Variants in ROCK1 observed in about 807,000 individuals in gnomAD.
The protein encoded by ROCK1 is rho-associated protein kinase 1.
A neutral mutation model predicts 196.8 loss-of-function variants in ROCK1; 36 were observed. That is an observed-to-expected ratio of 0.18 (90% CI 0.14 to 0.24). The LOEUF (loss-of-function observed/expected upper bound fraction) is 0.24, where lower values mean the gene tolerates loss of function less well. ROCK1 is among the 10% of genes least tolerant of loss of function. The probability of loss-of-function intolerance (pLI) is 1.00; values close to 1 mark genes in which losing one functional copy is unlikely to be tolerated. For missense variants in ROCK1, 920 were observed against 1,562.0 expected (o/e 0.59, Z 6.93); for synonymous variants, 443 against 515.9 (o/e 0.86, Z 1.91).
At chr18:20,959,200 A>G (rs1292303669) in intron 29 of ROCK1, among the ~76,000 whole-genome samples, 3 of 73,768 alleles carry the variant, frequency 4.1e-5, no homozygotes, top group African/African-American at 1.1e-4. Context: ...TAATATATAT[A>G]ATACATATAA....
chr18:20,976,382 A>C (rs2143376889), intron 22 of ROCK1, among the ~76,000 whole-genome samples: 2 of 152,338 alleles, frequency 1.3e-5, no homozygotes, highest in South Asian at 4.1e-4. Flanking sequence ...CCAGACACAC[A>C]TACACAAACA....
chr18:21,092,082 T>C (rs2036575513), intron 1 of ROCK1, among the ~76,000 whole-genome samples: 1 of 152,210 alleles, frequency 6.6e-6, no homozygotes, highest in Admixed American at 6.5e-5. Flanking sequence ...CACCATGCTG[T>C]TCAGGGACCA....
intron 19 of ROCK1, 108 bp from the exon 20 acceptor site, chr18:20,984,643 T>A: frequency 1.4e-6 from 1 of 717,052 alleles, no homozygotes; most frequent in Non-Finnish European, 2.2e-6. Flanking sequence ...ATGGTACTAG[T>A]AGAAAATATT....
At chr18:21,070,762 CT>C (rs941284956) in intron 1 of ROCK1, 149 bp from the exon 2 acceptor site, 2 of 474,166 alleles carry the variant, frequency 4.2e-6, no homozygotes, top group African/African-American at 4.0e-5. Flanking sequence ...TAGATGAGTA[CT>C]GGGAGAAAAG....
At chr18:20,970,080 A>T (rs1390214138) in intron 23 of ROCK1, 1 of 265,962 alleles carries the variant, frequency 3.8e-6, no homozygotes, top group Non-Finnish European at 7.0e-6. Context: ...ATGAAATATA[A>T]CTAATAAGAT....
intron 18 of ROCK1, among the ~76,000 whole-genome samples, chr18:20,988,844 C>T (rs931876415): frequency 6.6e-6 from 1 of 151,970 alleles, no homozygotes; most frequent in Non-Finnish European, 1.5e-5. Context: ...TATTCACTAT[C>T]TGAATGTAAT....
Position 21,049,824 on chromosome 18 carries a change from C to A in ROCK1, c.232G>T (p.Val78Leu). The A allele has an allele frequency of 6.2e-7, 1 of 1,608,696 alleles. No homozygotes were observed. Among genetic ancestry groups the A allele is most frequent in the Non-Finnish European group, 8.5e-7 (1 of 1,177,160 alleles). ...DLRMKAEDYE[V>L]VKVIGRGAFG... is the part of the protein sequence containing the mutation. ...GCACCTCTACCAATCACCTTCACTA[C>A]TTCATAATCTTCAGCTTTCATTCGT... is the stretch of plus-strand genomic sequence containing the variant. Residue 78 changes from valine to leucine, a missense_variant, in exon 3 of 33, where the codon GTA becomes TTA. Coordinates refer to ENST00000399799, the MANE Select transcript of ROCK1 (RefSeq NM_005406.3).
At chr18:21,098,705 A>G (rs2036632532) in intron 1 of ROCK1, among the ~76,000 whole-genome samples, 1 of 152,116 alleles carries the variant, frequency 6.6e-6, no homozygotes, top group African/African-American at 2.4e-5. Flanking sequence ...AAGAGCTTCT[A>G]AAAACTGAGA....
chr18:21,068,845 T>C (rs1426335739), intron 2 of ROCK1, among the ~76,000 whole-genome samples: 1 of 152,200 alleles, frequency 6.6e-6, no homozygotes, highest in Non-Finnish European at 1.5e-5. Flanking sequence ...AATGTACTTA[T>C]TAGTTCATGT....
In ROCK1 at chr18:21,028,888, T is replaced by G. The variant is rs1470182052; in HGVS notation, c.1099A>C (p.Asn367His). 2 of 1,612,492 alleles carry G rather than the reference T, an allele frequency of 1.2e-6. No homozygotes were observed. Among genetic ancestry groups the G allele is most frequent in the Non-Finnish European group, 1.7e-6 (2 of 1,179,508 alleles). Residue 367 changes from asparagine to histidine, a missense_variant, in exon 10 of 33, where the codon AAT becomes CAT. This residue lies in a region of ROCK1 where 234 missense variants were observed against 460.7 expected (regional missense o/e 0.51). Coordinates refer to ENST00000399799, the MANE Select transcript of ROCK1 (RefSeq NM_005406.3). ...PDLSSDIDTS[N>H]FDDLEEDKGE... ...TTATCTTCTTCCAAGTCATCAAAAT[T>G]ACTAGTATCAATGTCACTACTTAAA... is the stretch of plus-strand genomic sequence containing the variant.
intron 1 of ROCK1, among the ~76,000 whole-genome samples, chr18:21,095,428 T>G (rs2036605282): frequency 6.6e-6 from 1 of 152,140 alleles, no homozygotes; most frequent in South Asian, 2.1e-4. Flanking sequence ...ATACCACTAT[T>G]CACAACACCC....
chr18:21,014,344 G>C (rs1405036878), intron 13 of ROCK1, among the ~76,000 whole-genome samples: 2 of 152,138 alleles, frequency 1.3e-5, no homozygotes, highest in African/African-American at 4.8e-5. Flanking sequence ...AGGTTGGTCT[G>C]CCTTCTTTCC....
intron 2 of ROCK1, among the ~76,000 whole-genome samples, chr18:21,053,890 G>A (rs1360979540): frequency 3.3e-5 from 5 of 152,126 alleles, no homozygotes; most frequent in Non-Finnish European, 5.9e-5. Context: ...TGACACATGC[G>A]TATGTACTGG....
chr18:20,958,141 A>G (rs2035264611), intron 29 of ROCK1, among the ~76,000 whole-genome samples: 1 of 152,260 alleles, frequency 6.6e-6, no homozygotes, highest in Non-Finnish European at 1.5e-5. Context: ...GTTGAAAGAT[A>G]GTATCTTTCA....
rs1372231664 is a variant in ROCK1 at position 21,045,485 on chromosome 18, A to T, written c.415-18T>A. On this transcript the variant is annotated intron_variant, in intron 4 of 32. Coordinates refer to ENST00000399799, the MANE Select transcript of ROCK1 (RefSeq NM_005406.3). Reference sequence around the variant, plus strand: ...TAAAAAAGCTATACAAATAGAAAAAACAAACAAAACACATTCATTAATGTT... The same window carrying T: ...TAAAAAAGCTATACAAATAGAAAAATCAAACAAAACACATTCATTAATGTT... 4 of 1,529,596 alleles carry T rather than the reference A, an allele frequency of 2.6e-6. No homozygotes were observed. The highest frequency in any genetic ancestry group is 3.5e-6 in the Non-Finnish European group (4 of 1,138,366). The allele number at this position is 1,529,596 out of a possible 1,614,324, so 94.8% of individuals were successfully genotyped here. A position where few individuals can be genotyped will look rare whatever the true frequency, so the allele number is the denominator to read the frequency against.
At chr18:21,055,698 T>C (rs2036240343) in intron 2 of ROCK1, among the ~76,000 whole-genome samples, 1 of 151,890 alleles carries the variant, frequency 6.6e-6, no homozygotes, top group Admixed American at 6.6e-5. Flanking sequence ...CTGTTTTCTC[T>C]CCCATCTTAG....
At chr18:21,035,939 T>A (rs2036053387) in intron 9 of ROCK1, among the ~76,000 whole-genome samples, 4 of 152,162 alleles carry the variant, frequency 2.6e-5, no homozygotes, top group Admixed American at 6.5e-5. Context: ...ATTTAAGAGT[T>A]TAGTTTAGGA....
At chr18:20,970,541 T>A in intron 22 of ROCK1, 28 bp from the exon 23 acceptor site, 2 of 1,530,456 alleles carry the variant, frequency 1.3e-6, no homozygotes. Context: ...GAGAAACTGA[T>A]GTAAACAAAT....
chr18:21,079,020 C>A (rs1375801306), intron 1 of ROCK1, among the ~76,000 whole-genome samples: 1 of 152,116 alleles, frequency 6.6e-6, no homozygotes, highest in Non-Finnish European at 1.5e-5. Flanking sequence ...TTTATTAGTG[C>A]CCCTCTCAGC....
Sources: gnomAD v4.1 joint callset for allele counts (sites outside exome capture counted in the v4.1 genomes callset) on GRCh38, gnomAD v4.1.1 for gene constraint, gnomAD v4.1.1 regional missense constraint, MANE v1.5 for transcripts, NCBI Gene and HGNC (gene_info 2026-07-23, HGNC 2026-07-21) for gene names.